Variants in KLF7 observed in about 807,000 individuals in gnomAD.
The protein encoded by KLF7 is KLF transcription factor 7.
A neutral mutation model predicts 27.3 loss-of-function variants in KLF7; 2 were observed. That is an observed-to-expected ratio of 0.07 (90% confidence interval 0.03 to 0.23). The LOEUF (loss-of-function observed/expected upper bound fraction) is 0.23, where lower values mean the gene tolerates loss of function less well. Among genes scored for constraint, KLF7 ranks in the 10% least tolerant of loss-of-function variants. The pLI, the probability that KLF7 is intolerant of heterozygous loss-of-function variation, is 1.00. For synonymous variants in KLF7, 165 were observed against 162.4 expected, an observed-to-expected ratio of 1.02 and a Z score of -0.12; for missense variants, 221 against 394.1, an observed-to-expected ratio of 0.56 and a Z score of 3.72.
At chr2:207,099,592 G>A (rs2076716081) in intron 2 of KLF7, among the ~76,000 whole-genome samples, 8 of 34,110 alleles carry the variant, frequency 2.3e-4, no homozygotes, top group African/African-American at 4.8e-4. Flanking sequence ...ATAGATCAAT[G>A]GTATTAAAAA....
At position 207,074,923 on chromosome 2, in the gene KLF7, A is replaced by ACG. The variant is rs1381052070; in HGVS notation, c.*6288_*6289dup. 1 of 152,198 alleles carries ACG rather than the reference A, an allele frequency of 6.6e-6. No homozygotes were observed. The highest frequency in any genetic ancestry group is 2.4e-5 in the African/African-American group (1 of 41,424). The allele number at this position is 152,198 out of a possible 1,614,324, so 9.4% of individuals were successfully genotyped here. On this transcript the variant is annotated 3_prime_UTR_variant, in exon 4 of 4. Coordinates refer to ENST00000309446, the MANE Select transcript of KLF7 (RefSeq NM_003709.4). ...CAATGAAACTATAAAATACACACATACGCACACACACACACAACTTCCCAA... is the reference window on the plus strand; with the variant it reads ...CAATGAAACTATAAAATACACACATACGCGCACACACACACACAACTTCCCAA...
chr2:207,114,729 A>G (rs1429418652), intron 2 of KLF7, among the ~76,000 whole-genome samples: 1 of 152,218 alleles, frequency 6.6e-6, no homozygotes, highest in African/African-American at 2.4e-5. Flanking sequence ...AGGTCTCCAG[A>G]GAAAGATATT....
intron 1 of KLF7, among the ~76,000 whole-genome samples, chr2:207,154,565 C>G: frequency 6.6e-6 from 1 of 152,166 alleles, no homozygotes; most frequent in East Asian, 1.9e-4. Flanking sequence ...TTTCCCCTGC[C>G]TTCCATCATT....
chr2:207,082,820 T>A (rs2076303728), intron 3 of KLF7, among the ~76,000 whole-genome samples: 1 of 152,210 alleles, frequency 6.6e-6, no homozygotes, highest in Admixed American at 6.5e-5. Flanking sequence ...TTCCCTATGT[T>A]TGTTCATTCT....
chr2:207,166,639 G>GGCCGCGGGGAA, upstream of KLF7: 3 of 223,488 alleles, frequency 1.3e-5, no homozygotes, highest in Non-Finnish European at 1.5e-5. Flanking sequence ...CGGCGCAGGG[G>GGCCGCGGGGAA]GCCGCGGGGA....
upstream of KLF7, among the ~76,000 whole-genome samples, chr2:207,170,278 C>G (rs947810168): frequency 1.3e-5 from 2 of 152,102 alleles, no homozygotes; most frequent in Non-Finnish European, 2.9e-5. Context: ...AGAGCAAAAC[C>G]CTGACTCTCT....
chr2:207,151,950 C>T (rs146522696), intron 1 of KLF7, among the ~76,000 whole-genome samples: 4,534 of 151,900 alleles, frequency 0.03, 97 homozygotes, highest in Middle Eastern at 0.051. Context: ...TGTAAGAAAG[C>T]CAATATAAAA....
At chr2:207,131,758 C>A (rs1406944150) in intron 1 of KLF7, among the ~76,000 whole-genome samples, 1 of 152,084 alleles carries the variant, frequency 6.6e-6, no homozygotes, top group African/African-American at 2.4e-5. Context: ...AATTGAAAGA[C>A]AGGAAAAGAT....
At chr2:207,127,031 G>A (rs1297905683) in intron 1 of KLF7, among the ~76,000 whole-genome samples, 1 of 152,172 alleles carries the variant, frequency 6.6e-6, no homozygotes, top group African/African-American at 2.4e-5. Context: ...GAAGAGATCT[G>A]AATGCAGGGC....
chr2:207,085,375 C>A (rs2076365056), intron 3 of KLF7, among the ~76,000 whole-genome samples: 1 of 152,032 alleles, frequency 6.6e-6, no homozygotes, highest in African/African-American at 2.4e-5. Context: ...TGGATTATAA[C>A]TGCACTGAGT....
At chr2:207,112,507 C>T (rs942395851) in intron 2 of KLF7, among the ~76,000 whole-genome samples, 4 of 152,178 alleles carry the variant, frequency 2.6e-5, no homozygotes, top group African/African-American at 9.7e-5. Context: ...GTATGGGAAA[C>T]CAGTAACAGC....
chr2:207,099,058 T>A (rs987233793), intron 2 of KLF7, among the ~76,000 whole-genome samples: 2 of 152,084 alleles, frequency 1.3e-5, no homozygotes, highest in Non-Finnish European at 2.9e-5. Flanking sequence ...AAATCAGAAG[T>A]ATACCCTGTA....
At chr2:207,146,443 A>C (rs948040117) in intron 1 of KLF7, among the ~76,000 whole-genome samples, 8 of 152,136 alleles carry the variant, frequency 5.3e-5, no homozygotes, top group Admixed American at 2.0e-4. Flanking sequence ...AGACCAATAT[A>C]AAGCTGTCAC....
At chr2:207,095,516 G>A (rs1456120493) in intron 2 of KLF7, among the ~76,000 whole-genome samples, 1 of 152,172 alleles carries the variant, frequency 6.6e-6, no homozygotes, top group East Asian at 1.9e-4. Context: ...AAAAGATTTT[G>A]ACTGAATACT....
At position 207,074,322 on chromosome 2, in the gene KLF7, G is replaced by C. The variant is rs1476057236; in HGVS notation, c.*6891C>G. The C allele has an allele frequency of 1.3e-5, 2 of 152,148 alleles. No homozygotes were observed. The highest frequency in any genetic ancestry group is 4.8e-5 in the African/African-American group (2 of 41,380). 9.4% of individuals were successfully genotyped at this position (152,148 alleles called of 1,614,324 possible). ...TGTGAATGACACCACTTCTCTCGGGGAATCGCTGAGCTCGGGATGCTGAGG... is the reference window on the plus strand; with the variant it reads ...TGTGAATGACACCACTTCTCTCGGGCAATCGCTGAGCTCGGGATGCTGAGG... On this transcript the variant is annotated 3_prime_UTR_variant, in exon 4 of 4. Coordinates refer to ENST00000309446, the MANE Select transcript of KLF7 (RefSeq NM_003709.4).
chr2:207,085,705 A>G (rs1273338663), intron 3 of KLF7, among the ~76,000 whole-genome samples: 1 of 152,246 alleles, frequency 6.6e-6, no homozygotes, highest in African/African-American at 2.4e-5. Flanking sequence ...AGGCATGGAT[A>G]CAAAGAAGTA....
rs1286576522 is a variant in KLF7 at position 207,075,897 on chromosome 2, C to T, written c.*5316G>A. 1 of 152,082 alleles carries T rather than the reference C, an allele frequency of 6.6e-6. No homozygotes were observed. The highest frequency in any genetic ancestry group is 1.5e-5 in the Non-Finnish European group (1 of 68,008). The allele number at this position is 152,082 out of a possible 1,614,324, so 9.4% of individuals were successfully genotyped here. A position where few individuals can be genotyped will look rare whatever the true frequency, so the allele number is the denominator to read the frequency against. ...AAAAGGTTGAGAACCAGCCAATAAG[C>T]CCCAAAGCCTTCAGGACCTAGGTTT... On this transcript the variant is annotated 3_prime_UTR_variant, in exon 4 of 4. Transcript: ENST00000309446.
chr2:207,131,331 T>C (rs1263487785), intron 1 of KLF7, among the ~76,000 whole-genome samples: 1 of 152,232 alleles, frequency 6.6e-6, no homozygotes, highest in African/African-American at 2.4e-5. Flanking sequence ...TGTCACATGC[T>C]ATTAACCATG....
chr2:207,138,899 C>A (rs1420314532), intron 1 of KLF7, among the ~76,000 whole-genome samples: 1 of 152,194 alleles, frequency 6.6e-6, no homozygotes, highest in Admixed American at 6.5e-5. Context: ...GCGATTGCCA[C>A]GAAATTTGGT....
Sources: allele counts gnomAD v4.1 joint callset (sites outside exome capture counted in the v4.1 genomes callset), GRCh38; gene constraint gnomAD v4.1.1; transcripts MANE v1.5; gene names NCBI Gene and HGNC (gene_info 2026-07-23, HGNC 2026-07-21).